The following PTPRN2 variants were observed in gnomAD, a reference collection of about 807,000 sequenced individuals.
The protein encoded by PTPRN2 is protein tyrosine phosphatase receptor type N2, also known as receptor-type tyrosine-protein phosphatase N2.
PTPRN2 carries 74 observed loss-of-function variants against 118.8 expected under a neutral mutation model. That is an observed-to-expected ratio of 0.62 (90% CI 0.52 to 0.76). The LOEUF (loss-of-function observed/expected upper bound fraction) is 0.76. Among genes scored for constraint, PTPRN2 ranks in the 30% least tolerant of loss-of-function variants. The pLI is 0.00. For synonymous variants in PTPRN2, 641 were observed against 608.0 expected (o/e 1.05, Z -0.80); for missense variants, 1,481 against 1,394.4 (o/e 1.06, Z -0.99).
intron 2 of PTPRN2, among the ~76,000 whole-genome samples, chr7:158,430,806 C>T (rs534946349): frequency 1.2e-3 from 177 of 152,212 alleles, no homozygotes; most frequent in Non-Finnish European, 2.1e-3. Flanking sequence ...AGAGAAACAC[C>T]GGGTGACTGA....
chr7:158,365,841 C>CACACAT, intron 2 of PTPRN2, among the ~76,000 whole-genome samples: 1 of 140,362 alleles, frequency 7.1e-6, no homozygotes, highest in Non-Finnish European at 1.5e-5. Context: ...TGCGTGCACA[C>CACACAT]ACACACACCC....
At chr7:158,173,268 G>A (rs539082667) in intron 5 of PTPRN2, among the ~76,000 whole-genome samples, 1 of 152,154 alleles carries the variant, frequency 6.6e-6, no homozygotes, top group Non-Finnish European at 1.5e-5. Context: ...TTTCAACACA[G>A]GTTCTTTTCT....
intron 11 of PTPRN2, among the ~76,000 whole-genome samples, chr7:158,070,484 CTGG>C (rs1473712511): frequency 1.2e-4 from 8 of 67,358 alleles, no homozygotes; most frequent in African/African-American, 4.3e-4. Context: ...GGAGGTGCTC[CTGG>C]TGGTGGAGGT....
chr7:157,691,656 G>C (rs1170902892), intron 12 of PTPRN2, among the ~76,000 whole-genome samples: 5 of 152,212 alleles, frequency 3.3e-5, no homozygotes, highest in African/African-American at 9.6e-5. Flanking sequence ...CCAGGCGTGC[G>C]AGCTGCGTCC....
At chr7:157,751,733 G>A (rs1801480628) in intron 12 of PTPRN2, among the ~76,000 whole-genome samples, 1 of 151,986 alleles carries the variant, frequency 6.6e-6, no homozygotes, top group Non-Finnish European at 1.5e-5. Flanking sequence ...ATGGAGCCGC[G>A]CGCACAGAAT....
chr7:158,347,470 G>A (rs1807596268), intron 2 of PTPRN2, among the ~76,000 whole-genome samples: 1 of 152,078 alleles, frequency 6.6e-6, no homozygotes, highest in African/African-American at 2.4e-5. Flanking sequence ...ATTTTGTTTT[G>A]TTGTTGCCAG....
intron 11 of PTPRN2, among the ~76,000 whole-genome samples, chr7:158,017,984 A>T (rs1806570949): frequency 6.6e-6 from 1 of 152,014 alleles, no homozygotes; most frequent in East Asian, 1.9e-4. Flanking sequence ...TGGGGCCTGG[A>T]TGTGCACTCC....
rs887416214 is a variant in PTPRN2 at position 157,944,741 on chromosome 7, A to G, written c.1724-46004T>C. On this transcript the variant is annotated intron_variant, in intron 11 of 22. Coordinates refer to ENST00000389418, the MANE Select transcript of PTPRN2 (RefSeq NM_002847.5). This position sits in a 1 kb window ranked among gnomAD's most constrained non-coding sequence, Gnocchi z 4.3. ...CAGCAGGTCCACGTGCATGGATGAG[A>G]GCTGTGCCCCTCTCTTCTCTAAGCC... is the stretch of plus-strand genomic sequence containing the variant. 6.6e-6 allele frequency among the ~76,000 whole-genome samples: 1 copy of G among 152,126 alleles called. No homozygotes were observed. The highest frequency in any genetic ancestry group is 1.5e-5 in the Non-Finnish European group (1 of 68,022).
intron 11 of PTPRN2, among the ~76,000 whole-genome samples, chr7:157,961,438 C>T (rs1265379374): frequency 2.0e-5 from 3 of 151,678 alleles, no homozygotes; most frequent in Non-Finnish European, 4.4e-5. Context: ...AAGGCTGAGG[C>T]AGGAGAATTG....
chr7:157,711,377 A>G lies in PTPRN2; in HGVS notation c.1789-28440T>C, dbSNP rs368844369. ...CCAGAGGTTCCGGGGCAGCCGGGTT[A>G]CACGCGAGAGCCCCACGCGCCGGAG... On this transcript the variant is annotated intron_variant, in intron 12 of 22. Coordinates refer to ENST00000389418, the MANE Select transcript of PTPRN2 (RefSeq NM_002847.5). Among the ~76,000 whole-genome samples, 55 of 85,712 alleles carry G rather than the reference A, an allele frequency of 6.4e-4. 1 individual carries two copies. The highest frequency in any genetic ancestry group is 2.7e-3 in the African/African-American group (49 of 18,402). 56.2% of individuals were successfully genotyped at this position (85,712 alleles called of 152,430 possible).
chr7:157,855,898 T>G (rs1370681348), intron 12 of PTPRN2: 1 of 152,270 alleles, frequency 6.6e-6, no homozygotes, highest in Non-Finnish European at 1.5e-5. Flanking sequence ...TCATTTTTTC[T>G]GATACTGAGT....
chr7:157,688,176 A>G (rs951839597), intron 12 of PTPRN2, among the ~76,000 whole-genome samples: 3 of 152,256 alleles, frequency 2.0e-5, no homozygotes, highest in Non-Finnish European at 4.4e-5. Flanking sequence ...AAGTTGGGAT[A>G]TACTGTTTTA....
intron 11 of PTPRN2, among the ~76,000 whole-genome samples, chr7:158,040,505 C>T (rs1808384579): frequency 2.6e-5 from 4 of 152,128 alleles, no homozygotes; most frequent in Admixed American, 2.0e-4. Flanking sequence ...GGGGGAAAAA[C>T]CTTACCTTAC....
chr7:158,555,204 G>A lies in PTPRN2; in HGVS notation c.112+32354C>T, dbSNP rs147372431. On this transcript the variant is annotated intron_variant, in intron 1 of 22. Coordinates refer to ENST00000389418, the MANE Select transcript of PTPRN2 (RefSeq NM_002847.5). The surrounding 1 kb of genome is among the most constrained non-coding windows in gnomAD (Gnocchi z 4.7). The stretch of plus-strand genomic sequence containing the variant: ...CACCCCCGACGCAACCACCAACTCC[G>A]CCAGAGGAAATCACAAGTTTTCCAT... 3.3e-5 allele frequency among the ~76,000 whole-genome samples: 5 copies of A among 152,302 alleles called. No homozygotes were observed. Among genetic ancestry groups the A allele is most frequent in the East Asian group, 3.9e-4 (2 of 5,170 alleles).
intron 11 of PTPRN2, among the ~76,000 whole-genome samples, chr7:158,059,383 T>C (rs1280381768): frequency 8.4e-6 from 1 of 119,158 alleles, no homozygotes; most frequent in African/African-American, 4.2e-5. Flanking sequence ...GCAGCCACAC[T>C]CCATCTGCCC....
chr7:158,150,866 C>G (rs1469020383), intron 6 of PTPRN2, among the ~76,000 whole-genome samples: 2 of 152,104 alleles, frequency 1.3e-5, no homozygotes, highest in Admixed American at 1.3e-4. Context: ...TCTGTTCTTC[C>G]AACCCAACGT....
chr7:157,757,938 G>T (rs913849543), intron 12 of PTPRN2, among the ~76,000 whole-genome samples: 4 of 152,218 alleles, frequency 2.6e-5, no homozygotes, highest in African/African-American at 9.6e-5. Flanking sequence ...GGGCCCTGAA[G>T]CAGCTCTCTG....
chr7:158,072,829 G>A (rs769089634), intron 11 of PTPRN2, among the ~76,000 whole-genome samples: 9 of 152,204 alleles, frequency 5.9e-5, no homozygotes, highest in East Asian at 3.9e-4. Flanking sequence ...AGATGCCAAC[G>A]GGCTGGCGGA....
At chr7:157,830,334 C>T (rs554169788) in intron 12 of PTPRN2, among the ~76,000 whole-genome samples, 5 of 152,342 alleles carry the variant, frequency 3.3e-5, no homozygotes, top group African/African-American at 1.2e-4. Context: ...CCTAAGTTCT[C>T]AAGGTATCAT....
Sources: gnomAD v4.1 joint callset for allele counts (sites outside exome capture counted in the v4.1 genomes callset) on GRCh38, gnomAD v4.1.1 for gene constraint, Gnocchi (gnomAD v3.1) non-coding constraint, MANE v1.5 for transcripts, NCBI Gene and HGNC (gene_info 2026-07-23, HGNC 2026-07-21) for gene names.